Variants in PPP4R3B observed in about 807,000 individuals in gnomAD.
The protein encoded by PPP4R3B is serine/threonine-protein phosphatase 4 regulatory subunit 3B.
Under a neutral mutation model 95.4 loss-of-function variants are expected in PPP4R3B, and 52 were observed. The ratio of observed to expected loss-of-function variants is 0.54; its 90% CI spans 0.44 to 0.69. The LOEUF (loss-of-function observed/expected upper bound fraction) is 0.69, where lower values mean the gene tolerates loss of function less well. PPP4R3B is among the 30% of genes least tolerant of loss of function. The probability of loss-of-function intolerance (pLI) is 0.00; values close to 1 mark genes in which losing one functional copy is unlikely to be tolerated. For synonymous variants in PPP4R3B, 407 were observed against 343.9 expected (o/e 1.18, Z -2.03); for missense variants, 1,003 against 1,005.9 (o/e 1.00, Z 0.04).
At chr2:55,571,126 T>C (rs1395894350) in intron 12 of PPP4R3B, among the ~76,000 whole-genome samples, 3 of 152,042 alleles carry the variant, frequency 2.0e-5, no homozygotes, top group Non-Finnish European at 2.9e-5. Flanking sequence ...CTGGCCAACA[T>C]GGTGAAACCC....
At chr2:55,586,158 T>C (rs1690114196) in intron 6 of PPP4R3B, among the ~76,000 whole-genome samples, 1 of 152,230 alleles carries the variant, frequency 6.6e-6, no homozygotes, top group Non-Finnish European at 1.5e-5. Flanking sequence ...TTATTTATGT[T>C]AACATATAAT....
chr2:55,616,919 G>T (rs980254584), intron 1 of PPP4R3B, among the ~76,000 whole-genome samples: 1 of 152,108 alleles, frequency 6.6e-6, no homozygotes, highest in Non-Finnish European at 1.5e-5. Flanking sequence ...TGGAAAGGAA[G>T]GAGTCCAATC....
At chr2:55,550,082 G>T in intron 16 of PPP4R3B, 76 bp from the exon 17 acceptor site, 1 of 899,308 alleles carries the variant, frequency 1.1e-6, no homozygotes, top group Non-Finnish European at 1.7e-6. Context: ...ACAATCACTT[G>T]TAAAAATATC....
At chr2:55,557,794 T>C (rs1466825550) in intron 16 of PPP4R3B, among the ~76,000 whole-genome samples, 1 of 152,132 alleles carries the variant, frequency 6.6e-6, no homozygotes, top group African/African-American at 2.4e-5. Flanking sequence ...CTTTTTATTT[T>C]AAGCCACTCC....
At chr2:55,607,590 A>G (rs2103813344) in intron 2 of PPP4R3B, among the ~76,000 whole-genome samples, 1 of 152,350 alleles carries the variant, frequency 6.6e-6, no homozygotes, top group Admixed American at 6.5e-5. Context: ...CCCTGGGCAC[A>G]TCATCCTCCA....
chr2:55,573,837 T>C, intron 11 of PPP4R3B, 60 bp from the exon 12 acceptor site: 1 of 1,018,336 alleles, frequency 9.8e-7, no homozygotes, highest in Non-Finnish European at 1.3e-6. Flanking sequence ...AAAGAATAAA[T>C]AAAGCTTACA....
chr2:55,553,941 G>C (rs1460816196), intron 16 of PPP4R3B, among the ~76,000 whole-genome samples: 2 of 151,002 alleles, frequency 1.3e-5, no homozygotes, highest in Non-Finnish European at 2.9e-5. Flanking sequence ...GTGGACACAT[G>C]TTTTCAATTT....
At position 55,603,979 on chromosome 2, in the gene PPP4R3B, T is replaced by A. The variant is rs1164737770; in HGVS notation, c.296A>T (p.Gln99Leu). The A allele has an allele frequency of 1.3e-6, 2 of 1,593,680 alleles. No individual in the cohort carries two copies. The highest frequency in any genetic ancestry group is 2.7e-5 in the African/African-American group (2 of 73,792). The change falls in exon 3 of 17, where the codon CAG becomes CTG. Residue 99 changes from glutamine to leucine, a missense_variant and splice_region_variant. Coordinates refer to ENST00000616407, the MANE Select transcript of PPP4R3B (RefSeq NM_001122964.3). ...GCDEIWEKIC[Q>L]VQGKDPSVEV... ...TAAATATTATAAAAAGAAACTTACC[T>A]GACAAATTTTTTCCCAGATCTCATC... is the stretch of plus-strand genomic sequence containing the variant.
chr2:55,550,179 T>C (rs915086882), intron 16 of PPP4R3B, among the ~76,000 whole-genome samples, 173 bp from the exon 17 acceptor site: 4 of 152,240 alleles, frequency 2.6e-5, no homozygotes, highest in African/African-American at 9.6e-5. Flanking sequence ...TGAGTAGTAA[T>C]TGGTAGCACT....
At chr2:55,583,209 T>C (rs1296835619) in intron 7 of PPP4R3B, among the ~76,000 whole-genome samples, 3 of 152,158 alleles carry the variant, frequency 2.0e-5, no homozygotes, top group Admixed American at 6.5e-5. Flanking sequence ...CAGCCCAGTA[T>C]GGAATTCAGC....
rs1684915124 is a variant in PPP4R3B, at chr2:55,548,313, A to G, written c.*1598T>C. Reference sequence around the variant, plus strand: ...TTATTGGCTTTTAAAAGATACTGTAAAATTGACATATCTCAAAATGGAGTT... The same window carrying G: ...TTATTGGCTTTTAAAAGATACTGTAGAATTGACATATCTCAAAATGGAGTT... On this transcript the variant is annotated 3_prime_UTR_variant, in exon 17 of 17. Coordinates refer to ENST00000616407, the MANE Select transcript of PPP4R3B (RefSeq NM_001122964.3). 1 of 152,650 alleles carries G rather than the reference A, an allele frequency of 6.6e-6. No individual in the cohort carries two copies. The highest frequency in any genetic ancestry group is 2.1e-4 in the South Asian group (1 of 4,828). 9.5% of individuals were successfully genotyped at this position (152,650 alleles called of 1,614,324 possible). A position where few individuals can be genotyped will look rare whatever the true frequency, so the allele number is the denominator to read the frequency against.
intron 7 of PPP4R3B, among the ~76,000 whole-genome samples, chr2:55,582,114 C>CT (rs1689524052): frequency 6.6e-6 from 1 of 152,056 alleles, no homozygotes; most frequent in Admixed American, 6.5e-5. Flanking sequence ...ATCTCAGCCT[C>CT]TAACTAGTAA....
At position 55,558,828 on chromosome 2, in the gene PPP4R3B, T is replaced by C. The variant is rs1686195190; in HGVS notation, c.2401A>G (p.Asn801Asp). Reference protein sequence around the residue: ...VVAQIPPATSNGSSSKTTNLP... With the variant: ...VVAQIPPATSDGSSSKTTNLP... ...TTTGTGGTTTTGGAAGAGGATCCAT[T>C]AGAAGTTGCTGGTGGTATCTGAGCC... The change falls in exon 16 of 17, where the codon AAT (asparagine) becomes GAT (aspartate). Residue 801 changes from asparagine (N) to aspartate (D), a missense_variant. Coordinates refer to ENST00000616407, the MANE Select transcript of PPP4R3B (RefSeq NM_001122964.3). 6.2e-7 allele frequency: 1 copy of C among 1,613,554 alleles called. No individual in the cohort carries two copies. The highest frequency in any genetic ancestry group is 8.5e-7 in the Non-Finnish European group (1 of 1,179,684).
In PPP4R3B at chr2:55,548,211, A is replaced by C. The variant is rs1684907767; in HGVS notation, c.*1700T>G. 6.6e-6 allele frequency: 1 copy of C among 152,494 alleles called. No homozygotes were observed. The highest frequency in any genetic ancestry group is 2.1e-4 in the South Asian group (1 of 4,828). The allele number at this position is 152,494 out of a possible 1,614,324, so 9.4% of individuals were successfully genotyped here. ...AGTAGTCACTGATAAAGTGCCATTGACCCGCATTTGTTTAGAATTATTTCA... is the reference window on the plus strand; with the variant it reads ...AGTAGTCACTGATAAAGTGCCATTGCCCCGCATTTGTTTAGAATTATTTCA... On this transcript the variant is annotated 3_prime_UTR_variant, in exon 17 of 17. Transcript: ENST00000616407.
chr2:55,552,692 A>T (rs1372555788), intron 16 of PPP4R3B, among the ~76,000 whole-genome samples: 3 of 152,116 alleles, frequency 2.0e-5, no homozygotes, highest in Non-Finnish European at 2.9e-5. Flanking sequence ...CATATACTTT[A>T]ATTCCTGAAT....
At position 55,573,657 on chromosome 2, in the gene PPP4R3B, A is replaced by G; in HGVS notation, c.1727T>C (p.Leu576Ser). The G allele has an allele frequency of 1.3e-6, 2 of 1,544,880 alleles. No individual in the cohort carries two copies. The highest frequency in any genetic ancestry group is 1.7e-6 in the Non-Finnish European group (2 of 1,145,062). Residue 576 changes from leucine (L) to serine (S), a missense_variant, in exon 12 of 17, where the codon TTG becomes TCG. By Grantham distance (145) the Leu-to-Ser change is moderately radical (BLOSUM62 -2). Around this residue, in one of 3 missense-constraint regions of PPP4R3B, gnomAD observed 695 missense variants for 686.2 expected, o/e 1.01. Transcript: ENST00000616407. ...AGTGTGCTTTGAATTCATCAAGACC[A>G]AGACTCTTCTTAGCAAGTCCTTGTT... is the stretch of plus-strand genomic sequence containing the variant. ...IMNKDLLRRV[L>S]VLMNSKHTFL...
chr2:55,553,646 C>G (rs954199986), intron 16 of PPP4R3B, among the ~76,000 whole-genome samples: 2 of 152,138 alleles, frequency 1.3e-5, no homozygotes, highest in South Asian at 4.1e-4. Flanking sequence ...AACCACTAAC[C>G]TACTTTGTTT....
In PPP4R3B at chr2:55,581,915, A is replaced by G. The variant is rs557448880; in HGVS notation, c.1234-217T>C. On this transcript the variant is annotated intron_variant, in intron 7 of 16. Transcript: ENST00000616407. ...AATCCCACTCCGAGAAAAAAAAAAG[A>G]AGAAGGAGGAAAAAAAACCCACAAA... Among the ~76,000 whole-genome samples, 830 of 139,802 alleles carry G rather than the reference A, an allele frequency of 5.9e-3. 4 individuals carry two copies. The highest frequency in any genetic ancestry group is 7.1e-3 in the Admixed American group (103 of 14,488). The allele number at this position is 139,802 out of a possible 152,430, so 91.7% of individuals were successfully genotyped here.
chr2:55,590,021 C>T (rs1308084374), intron 4 of PPP4R3B, among the ~76,000 whole-genome samples: 12 of 144,028 alleles, frequency 8.3e-5, no homozygotes, highest in African/African-American at 2.3e-4. Context: ...TAGTCAAGCA[C>T]GCATTTTTAA....
Sources: allele counts gnomAD v4.1 joint callset (sites outside exome capture counted in the v4.1 genomes callset), GRCh38; gene constraint gnomAD v4.1.1; regional missense constraint gnomAD v4.1.1; transcripts MANE v1.5; gene names NCBI Gene and HGNC (gene_info 2026-07-23, HGNC 2026-07-21).